Variants in ALK observed in about 807,000 individuals in gnomAD.
ALK encodes ALK tyrosine kinase receptor.
In ALK, 74 loss-of-function variants were observed where a neutral mutation model predicts 163.1. The observed-to-expected ratio is 0.45, with a 90% CI of 0.38 to 0.55. The LOEUF (loss-of-function observed/expected upper bound fraction) is 0.55, where lower values mean the gene tolerates loss of function less well. Ranked by LOEUF, ALK falls within the 20% of genes least tolerant of loss-of-function variation. The probability of loss-of-function intolerance (pLI) is 0.00; values close to 1 mark genes in which losing one functional copy is unlikely to be tolerated. For synonymous variants in ALK, 960 were observed against 843.2 expected (o/e 1.14, Z -2.40); for missense variants, 2,063 against 2,105.3 (o/e 0.98, Z 0.39).
chr2:29,312,830 A>G (rs1666729649), intron 8 of ALK, among the ~76,000 whole-genome samples: 1 of 152,212 alleles, frequency 6.6e-6, no homozygotes, highest in African/African-American at 2.4e-5. Context: ...ACTGACTCCT[A>G]GAGCTGGACT....
In ALK at chr2:29,852,984, C is replaced by T. The variant is rs114428208; in HGVS notation, c.667+67009G>A. ...ACCTTGGTTTTGGACTTCTCAGTAT[C>T]CAGGACTGTGAGAAATAGATGTGGT... On this transcript the variant is annotated intron_variant, in intron 1 of 28. Transcript: ENST00000389048. Among the ~76,000 whole-genome samples the T allele has an allele frequency of 5.9e-3, 899 of 152,178 alleles. 3 individuals carry two copies. The highest frequency in any genetic ancestry group is 7.9e-3 in the Non-Finnish European group (534 of 68,016).
At chr2:29,320,595 G>C (rs766776358) in intron 7 of ALK, among the ~76,000 whole-genome samples, 156 bp downstream of exon 7, 1 of 152,220 alleles carries the variant, frequency 6.6e-6, no homozygotes, top group Non-Finnish European at 1.5e-5. Flanking sequence ...AAAGCCCAAG[G>C]TGTGAAGAGG....
At chr2:29,813,132 G>A (rs1161289851) in intron 1 of ALK, among the ~76,000 whole-genome samples, 1 of 152,190 alleles carries the variant, frequency 6.6e-6, no homozygotes, top group African/African-American at 2.4e-5. Context: ...AAGCTTCATG[G>A]AGGAGGCTGA....
rs115442653 is a variant in ALK at position 29,410,493 on chromosome 2, A to G, written c.1155-26634T>C. 3.5e-3 allele frequency among the ~76,000 whole-genome samples: 540 copies of G among 152,322 alleles called. 7 individuals carry two copies. Among genetic ancestry groups the G allele is most frequent in the African/African-American group, 0.012 (519 of 41,578 alleles). On this transcript the variant is annotated intron_variant, in intron 4 of 28. Transcript: ENST00000389048. The stretch of plus-strand genomic sequence containing the variant: ...GAGCTGTGCCCTGACCACCTTGGGC[A>G]TATGTCATCAGGACTTCCTGAGGCT...
At chr2:29,652,820 G>T (rs986862515) in intron 3 of ALK, among the ~76,000 whole-genome samples, 10 of 152,124 alleles carry the variant, frequency 6.6e-5, no homozygotes, top group Admixed American at 4.6e-4. Flanking sequence ...GGGCATGGGA[G>T]CACCACACCC....
At chr2:29,317,813 C>T (rs1666877908) in intron 8 of ALK, among the ~76,000 whole-genome samples, 1 of 28,932 alleles carries the variant, frequency 3.5e-5, no homozygotes. Flanking sequence ...GGCGCCAGTC[C>T]CTCCACCCAC....
Position 29,223,920 on chromosome 2 carries a change from T to C in ALK, c.3173-392A>G, listed in dbSNP as rs897735076. 6.8e-5 allele frequency: 25 copies of C among 365,752 alleles called. No homozygotes were observed. In the East Asian group the frequency reaches 9.8e-4, roughly 14 times the overall value. The allele number at this position is 365,752 out of a possible 1,614,324, so 22.7% of individuals were successfully genotyped here. ...AGGCTGGGTGAACCAGCAGACTGTG[T>C]TGCAAGTATAACCCCACGTGAACGA... On this transcript the variant is annotated intron_variant, in intron 19 of 28. Transcript: ENST00000389048.
Position 29,223,317 on chromosome 2 carries a change from C to T in ALK, c.3359+25G>A, listed in dbSNP as rs1429861286. On this transcript the variant is annotated intron_variant, in intron 20 of 28. Coordinates refer to ENST00000389048, the MANE Select transcript of ALK (RefSeq NM_004304.5). ...AGCCCCTACACTGCACCCCTCTCCT[C>T]CCAGGACGGCAGCAGGGCGCTCACC... 2.5e-6 allele frequency: 4 copies of T among 1,613,512 alleles called. No homozygotes were observed. The African/African-American group carries it at 4.0e-5, about 16-fold the overall frequency.
intron 1 of ALK, among the ~76,000 whole-genome samples, chr2:29,735,552 C>T (rs144139667): frequency 6.6e-6 from 1 of 151,984 alleles, no homozygotes; most frequent in Non-Finnish European, 1.5e-5. Flanking sequence ...AATTATCTCA[C>T]CTATTCTTTA....
At position 29,921,023 on chromosome 2, in the gene ALK, G is replaced by A. The variant is rs1471912234; in HGVS notation, c.-364C>T. On this transcript the variant is annotated 5_prime_UTR_variant, in exon 1 of 29. In the 5' UTR this introduces an upstream ATG that the reference lacks. Transcript: ENST00000389048. ...TGAAGGGAGGTGGCAGTTGGGTACC[G>A]TCCTCTCCTGCCCCCCGCAGTCGGA... 1.0e-5 allele frequency: 3 copies of A among 300,504 alleles called. No homozygotes were observed. The highest frequency in any genetic ancestry group is 9.0e-4 in the Middle Eastern group (1 of 1,114). The allele number at this position is 300,504 out of a possible 1,614,324, so 18.6% of individuals were successfully genotyped here.
chr2:29,805,812 CTGTT>C (rs202013007), intron 1 of ALK, among the ~76,000 whole-genome samples: 1,704 of 152,266 alleles, frequency 0.011, 31 homozygotes, highest in African/African-American at 0.039. Flanking sequence ...TTAATCATCT[CTGTT>C]TATGTGTTCA....
chr2:29,437,401 C>T (rs920127122), intron 4 of ALK, among the ~76,000 whole-genome samples: 1 of 152,034 alleles, frequency 6.6e-6, no homozygotes, highest in South Asian at 2.1e-4. Flanking sequence ...TGTGATTCTC[C>T]CATTAGACAC....
At chr2:29,696,761 C>A (rs912905692) in intron 2 of ALK, among the ~76,000 whole-genome samples, 16 of 151,932 alleles carry the variant, frequency 1.1e-4, no homozygotes, top group Admixed American at 3.3e-4. Flanking sequence ...TCTGCACCTG[C>A]GTGTCTGAAG....
chr2:29,549,030 A>AAGG (rs549681611), intron 3 of ALK, among the ~76,000 whole-genome samples: 2 of 62,840 alleles, frequency 3.2e-5, no homozygotes, highest in Admixed American at 1.8e-4. Context: ...AGAGGAGGAG[A>AAGG]AGGAGGAGGA....
intron 1 of ALK, among the ~76,000 whole-genome samples, chr2:29,735,769 T>C (rs1393574989): frequency 2.6e-5 from 4 of 152,048 alleles, no homozygotes; most frequent in Non-Finnish European, 5.9e-5. Flanking sequence ...GGCATTTCTT[T>C]CTCCAGCTGC....
At chr2:29,380,622 C>T (rs1166886289) in intron 5 of ALK, among the ~76,000 whole-genome samples, 7 of 152,000 alleles carry the variant, frequency 4.6e-5, no homozygotes, top group African/African-American at 7.2e-5. Flanking sequence ...TTAGTAGAGA[C>T]GGGGTTTCTC....
chr2:29,700,771 G>A (rs145034171), intron 2 of ALK, among the ~76,000 whole-genome samples: 1,773 of 152,286 alleles, frequency 0.012, 18 homozygotes, highest in South Asian at 0.044. Flanking sequence ...AGCCATTCAG[G>A]AAAATGTTGT....
intron 4 of ALK, among the ~76,000 whole-genome samples, chr2:29,528,361 C>A (rs1233048941): frequency 6.6e-6 from 1 of 152,192 alleles, no homozygotes; most frequent in Non-Finnish European, 1.5e-5. Context: ...TTTACACAGA[C>A]AATTGCTGCT....
intron 6 of ALK, among the ~76,000 whole-genome samples, chr2:29,321,662 A>C (rs1667053059): frequency 6.6e-6 from 1 of 152,206 alleles, no homozygotes; most frequent in Non-Finnish European, 1.5e-5. Flanking sequence ...AGCCTCTGCC[A>C]GCCTGGGTCC....
Sources: allele counts gnomAD v4.1 joint callset (sites outside exome capture counted in the v4.1 genomes callset), GRCh38; gene constraint gnomAD v4.1.1; transcripts MANE v1.5; gene names NCBI Gene and HGNC (gene_info 2026-07-23, HGNC 2026-07-21).